The following THRB variants were observed in gnomAD, a reference collection of about 807,000 sequenced individuals.
The protein encoded by THRB is nuclear receptor subfamily 1 group A member 2.
THRB carries 12 observed loss-of-function variants against 47.8 expected under a neutral mutation model. The observed-to-expected ratio is 0.25, with a 90% CI of 0.16 to 0.41. The LOEUF is 0.41. Ranked by LOEUF, THRB falls within the 10% of genes least tolerant of loss-of-function variation. The pLI, the probability that THRB is intolerant of heterozygous loss-of-function variation, is 1.00. For synonymous variants in THRB, 218 were observed against 212.2 expected, an observed-to-expected ratio of 1.03 and a Z score of -0.24; for missense variants, 348 against 589.2, an observed-to-expected ratio of 0.59 and a Z score of 4.24.
At chr3:24,260,804 C>G (rs910448852) in intron 3 of THRB, among the ~76,000 whole-genome samples, 1 of 152,222 alleles carries the variant, frequency 6.6e-6, no homozygotes, top group African/African-American at 2.4e-5. Context: ...ACAGAAGCAA[C>G]TGGAAGATAA....
At chr3:24,147,068 A>G (rs565582680) in intron 6 of THRB, among the ~76,000 whole-genome samples, 1 of 152,256 alleles carries the variant, frequency 6.6e-6, no homozygotes, top group African/African-American at 2.4e-5. Flanking sequence ...TTATTCAAGG[A>G]AAAGAGGCTA....
rs568591365 is a variant in THRB at position 24,370,036 on chromosome 3, T to C, written c.-260-32665A>G. Among the ~76,000 whole-genome samples the C allele has an allele frequency of 8.4e-4, 128 of 152,294 alleles. 3 individuals are homozygous for C. The South Asian group carries it at 0.011, about 13-fold the overall frequency. ...AAAGATAAGTATTAAAAGATGCTAG[T>C]TTGGAGATGAAATATATGTTACTAA... On this transcript the variant is annotated intron_variant, in intron 1 of 10. Coordinates refer to ENST00000646209, the MANE Select transcript of THRB (RefSeq NM_001354712.2).
intron 1 of THRB, among the ~76,000 whole-genome samples, chr3:24,377,720 A>G (rs2065397323): frequency 6.6e-6 from 1 of 152,114 alleles, no homozygotes; most frequent in East Asian, 1.9e-4. Flanking sequence ...ATAGCTGAAA[A>G]TTGATAGTCC....
chr3:24,406,164 T>A (rs986287496), intron 1 of THRB, among the ~76,000 whole-genome samples: 10 of 151,700 alleles, frequency 6.6e-5, no homozygotes, highest in African/African-American at 2.2e-4. Context: ...ATGACCTTTT[T>A]TCCTTGTCAT....
At chr3:24,474,952 C>A (rs951495049) in intron 1 of THRB, among the ~76,000 whole-genome samples, 4 of 152,202 alleles carry the variant, frequency 2.6e-5, no homozygotes, top group African/African-American at 7.2e-5. Context: ...TGATGAACTG[C>A]ACTTTTTAAT....
intron 3 of THRB, among the ~76,000 whole-genome samples, chr3:24,263,325 T>C (rs2052280003): frequency 6.6e-6 from 1 of 152,026 alleles, no homozygotes; most frequent in African/African-American, 2.4e-5. Flanking sequence ...CCACTGTGAA[T>C]TAGGGAGCAT....
At position 24,401,609 on chromosome 3, in the gene THRB, G is replaced by T. The variant is rs963029656; in HGVS notation, c.-260-64238C>A. ...TAACTCTGCCTAGCCTCCTAATGAG[G>T]ATATAGTTTTAAGTTTAGTGTTCTT... is the stretch of plus-strand genomic sequence containing the variant. On this transcript the variant is annotated intron_variant, in intron 1 of 10. Coordinates refer to ENST00000646209, the MANE Select transcript of THRB (RefSeq NM_001354712.2). 3.9e-5 allele frequency among the ~76,000 whole-genome samples: 6 copies of T among 152,026 alleles called. No individual in the cohort carries two copies. In the East Asian group the frequency reaches 7.8e-4, roughly 20 times the overall value.
At chr3:24,428,685 C>A (rs1018313966) in intron 1 of THRB, among the ~76,000 whole-genome samples, 1 of 150,960 alleles carries the variant, frequency 6.6e-6, no homozygotes, top group East Asian at 1.9e-4. Context: ...ATGTTCGAGG[C>A]AAGAAGAACA....
intron 1 of THRB, among the ~76,000 whole-genome samples, chr3:24,416,938 T>G (rs1184119425): frequency 6.6e-6 from 1 of 151,956 alleles, no homozygotes; most frequent in South Asian, 2.1e-4. Context: ...TTTGTGAACA[T>G]GGACTCAATT....
intron 3 of THRB, among the ~76,000 whole-genome samples, chr3:24,276,048 T>A (rs1576473062): frequency 6.6e-6 from 1 of 152,084 alleles, no homozygotes; most frequent in Non-Finnish European, 1.5e-5. Flanking sequence ...CTACTTTTTT[T>A]TTTTTTTAAT....
chr3:24,333,837 A>C (rs1389603243), intron 2 of THRB, among the ~76,000 whole-genome samples: 2 of 152,228 alleles, frequency 1.3e-5, no homozygotes, highest in African/African-American at 4.8e-5. Flanking sequence ...GAAGAAAAAT[A>C]ATACAGCCTC....
At chr3:24,494,278 T>C (rs2125997541) in intron 1 of THRB, 1 of 152,470 alleles carries the variant, frequency 6.6e-6, no homozygotes, top group South Asian at 2.1e-4. Context: ...TTCCACTGGG[T>C]TCGGCGCTGA....
At chr3:24,270,205 A>G (rs141017891) in intron 3 of THRB, among the ~76,000 whole-genome samples, 2 of 152,320 alleles carry the variant, frequency 1.3e-5, no homozygotes, top group East Asian at 3.9e-4. Flanking sequence ...ACATCTTTGA[A>G]AAGCAAACAG....
intron 1 of THRB, among the ~76,000 whole-genome samples, chr3:24,489,905 A>G (rs1697883161): frequency 6.6e-6 from 1 of 152,182 alleles, no homozygotes; most frequent in Admixed American, 6.5e-5. Context: ...TCAGAAGCTC[A>G]CCGGTCTAAA....
chr3:24,233,611 G>GAAAGAAAGA (rs1553658524), intron 3 of THRB, among the ~76,000 whole-genome samples: 2 of 133,104 alleles, frequency 1.5e-5, no homozygotes, highest in Non-Finnish European at 3.3e-5. Flanking sequence ...AAGAAAGAAA[G>GAAAGAAAGA]AAAGAGAAAG....
intron 1 of THRB, among the ~76,000 whole-genome samples, chr3:24,451,722 C>T (rs2072676577): frequency 6.6e-6 from 1 of 152,210 alleles, no homozygotes; most frequent in Admixed American, 6.5e-5. Flanking sequence ...ATGTTGCAAG[C>T]ACAAATCTCC....
intron 2 of THRB, among the ~76,000 whole-genome samples, chr3:24,325,470 T>C (rs1576851058): frequency 6.6e-6 from 1 of 152,208 alleles, no homozygotes; most frequent in African/African-American, 2.4e-5. Flanking sequence ...ATGGATCACC[T>C]AAGGTCAGGA....
chr3:24,407,530 T>C (rs2067927536), intron 1 of THRB, among the ~76,000 whole-genome samples: 1 of 151,930 alleles, frequency 6.6e-6, no homozygotes. Context: ...CATTTTAATT[T>C]GTAAAAGAAT....
intron 4 of THRB, among the ~76,000 whole-genome samples, chr3:24,195,530 A>G (rs1328173015): frequency 6.6e-6 from 1 of 152,134 alleles, no homozygotes; most frequent in African/African-American, 2.4e-5. Flanking sequence ...CTTATAATCT[A>G]TTTTCCACAG....
Sources: allele counts gnomAD v4.1 joint callset (sites outside exome capture counted in the v4.1 genomes callset), GRCh38; gene constraint gnomAD v4.1.1; transcripts MANE v1.5; gene names NCBI Gene and HGNC (gene_info 2026-07-23, HGNC 2026-07-21).